The following MICU1 variants were observed in gnomAD, a reference collection of about 807,000 sequenced individuals.
MICU1 encodes mitochondrial calcium uptake 1.
A neutral mutation model predicts 56.8 loss-of-function variants in MICU1; 45 were observed. The ratio of observed to expected loss-of-function variants is 0.79; its 90% CI spans 0.62 to 1.02. The LOEUF (loss-of-function observed/expected upper bound fraction) is 1.02. Among genes scored for constraint, MICU1 ranks in the 50% least tolerant of loss-of-function variants. MICU1 has a pLI of 0.00. For synonymous variants in MICU1, 186 were observed against 195.1 expected, an observed-to-expected ratio of 0.95 and a Z score of 0.39; for missense variants, 504 against 587.1, an observed-to-expected ratio of 0.86 and a Z score of 1.46.
At chr10:72,547,619 C>T (rs976697820) in intron 4 of MICU1, among the ~76,000 whole-genome samples, 1 of 151,674 alleles carries the variant, frequency 6.6e-6, no homozygotes, top group Non-Finnish European at 1.5e-5. Flanking sequence ...TCAACATTCA[C>T]AGAGTTAATA....
chr10:72,434,235 T>C (rs1864637146), intron 8 of MICU1, among the ~76,000 whole-genome samples: 3 of 152,088 alleles, frequency 2.0e-5, no homozygotes, highest in Admixed American at 2.0e-4. Context: ...CGGCAAACAT[T>C]TACATAGCAC....
chr10:72,411,488 C>T (rs958729822), intron 9 of MICU1, among the ~76,000 whole-genome samples: 1 of 151,920 alleles, frequency 6.6e-6, no homozygotes, highest in African/African-American at 2.4e-5. Flanking sequence ...CCACTGCACC[C>T]GGCTAATTTT....
At chr10:72,477,877 C>CTT (rs796702214) in intron 6 of MICU1, among the ~76,000 whole-genome samples, 3 of 137,312 alleles carry the variant, frequency 2.2e-5, no homozygotes, top group East Asian at 4.3e-4. Flanking sequence ...ATTTTTTTTT[C>CTT]TTTTTTTTTT....
intron 5 of MICU1, among the ~76,000 whole-genome samples, chr10:72,519,878 T>C (rs1867765871): frequency 6.6e-6 from 1 of 152,176 alleles, no homozygotes; most frequent in Non-Finnish European, 1.5e-5. Flanking sequence ...AAATCAATGC[T>C]TACATATCAT....
At chr10:72,458,517 A>G (rs1865543614) in intron 8 of MICU1, among the ~76,000 whole-genome samples, 1 of 152,108 alleles carries the variant, frequency 6.6e-6, no homozygotes, top group Non-Finnish European at 1.5e-5. Context: ...TGGGATTAAA[A>G]CTCTGATCAA....
intron 9 of MICU1, among the ~76,000 whole-genome samples, chr10:72,421,088 A>C (rs1223275325): frequency 2.3e-4 from 34 of 150,930 alleles, no homozygotes; most frequent in Admixed American, 2.2e-3. Flanking sequence ...ACATTGCGGC[A>C]AGTCTTGAAC....
chr10:72,580,855 A>G (rs1840881294), intron 1 of MICU1, among the ~76,000 whole-genome samples: 1 of 152,252 alleles, frequency 6.6e-6, no homozygotes, highest in African/African-American at 2.4e-5. Flanking sequence ...ATGGAAAACA[A>G]TGATTTAATC....
At chr10:72,394,254 G>A (rs1863173145) in intron 10 of MICU1, among the ~76,000 whole-genome samples, 1 of 152,128 alleles carries the variant, frequency 6.6e-6, no homozygotes, top group Admixed American at 6.5e-5. Context: ...TGTCCAACAA[G>A]GTCACAATCA....
intron 1 of MICU1, among the ~76,000 whole-genome samples, chr10:72,571,228 G>T (rs972938393): frequency 2.0e-5 from 3 of 152,146 alleles, no homozygotes; most frequent in African/African-American, 7.2e-5. Flanking sequence ...GCTGGGCCTG[G>T]TGGCAGGCGC....
At chr10:72,505,788 C>G (rs1320596132) in intron 6 of MICU1, among the ~76,000 whole-genome samples, 2 of 152,024 alleles carry the variant, frequency 1.3e-5, no homozygotes, top group East Asian at 3.9e-4. Context: ...AAGATGGGAA[C>G]AACTGACACT....
At chr10:72,582,939 G>A (rs1421617030) in intron 1 of MICU1, 1 of 152,110 alleles carries the variant, frequency 6.6e-6, no homozygotes, top group African/African-American at 2.4e-5. Context: ...ATATCAATAT[G>A]GTAACACCAA....
intron 8 of MICU1, among the ~76,000 whole-genome samples, chr10:72,434,953 C>G (rs1330861949): frequency 2.0e-5 from 3 of 152,098 alleles, no homozygotes; most frequent in African/African-American, 4.8e-5. Context: ...AAAGATGTGG[C>G]AAACTGTGGA....
At chr10:72,462,669 C>T (rs1343625964) in intron 8 of MICU1, among the ~76,000 whole-genome samples, 1 of 152,088 alleles carries the variant, frequency 6.6e-6, no homozygotes, top group Admixed American at 6.6e-5. Context: ...TTCTGTGGTA[C>T]CTTGAATATT....
chr10:72,586,684 G>A (rs111338078), intron 1 of MICU1, among the ~76,000 whole-genome samples: 4,010 of 151,864 alleles, frequency 0.026, 76 homozygotes, highest in Admixed American at 0.039. Flanking sequence ...ATGAATAGCT[G>A]ACTGTATTTG....
At chr10:72,412,554 C>G (rs533062614) in intron 9 of MICU1, among the ~76,000 whole-genome samples, 1 of 152,224 alleles carries the variant, frequency 6.6e-6, no homozygotes, top group East Asian at 1.9e-4. Context: ...AATTGTCTTT[C>G]AAAACTAAAA....
At chr10:72,586,231 C>T (rs967052561) in intron 1 of MICU1, among the ~76,000 whole-genome samples, 2 of 151,718 alleles carry the variant, frequency 1.3e-5, no homozygotes, top group Non-Finnish European at 2.9e-5. Flanking sequence ...AAGCTAGTCT[C>T]GAACTCCTGA....
intron 8 of MICU1, among the ~76,000 whole-genome samples, chr10:72,448,163 A>ATATGTG (rs1865172516): frequency 2.0e-5 from 1 of 48,928 alleles, no homozygotes; most frequent in Non-Finnish European, 5.1e-5. Context: ...GTGTGTGTGT[A>ATATGTG]TATGTGTGTG....
At chr10:72,446,370 C>T (rs142034783) in intron 8 of MICU1, among the ~76,000 whole-genome samples, 184 of 152,238 alleles carry the variant, frequency 1.2e-3, no homozygotes, top group Non-Finnish European at 1.7e-3. Context: ...CTCTGTCGCC[C>T]AGCAGGCTGG....
chr10:72,452,834 A>T (rs1865340409), intron 8 of MICU1, among the ~76,000 whole-genome samples: 1 of 152,180 alleles, frequency 6.6e-6, no homozygotes, highest in Non-Finnish European at 1.5e-5. Context: ...TCATTTACTA[A>T]AATCATATAA....
Sources: allele counts gnomAD v4.1 joint callset (sites outside exome capture counted in the v4.1 genomes callset), GRCh38; gene constraint gnomAD v4.1.1; transcripts MANE v1.5; gene names NCBI Gene and HGNC (gene_info 2026-07-23, HGNC 2026-07-21).